MACROD2: variants seen among roughly 807,000 people sequenced by gnomAD.
The protein encoded by MACROD2 is ADP-ribose glycohydrolase MACROD2.
MACROD2 carries 36 observed loss-of-function variants against 70.4 expected under a neutral mutation model. That is an observed-to-expected ratio of 0.51 (90% CI 0.39 to 0.68). The LOEUF is 0.68. Among genes scored for constraint, MACROD2 ranks in the 30% least tolerant of loss-of-function variants. MACROD2 has a pLI of 0.00. For missense variants in MACROD2, 496 were observed against 538.4 expected (o/e 0.92, Z 0.78); for synonymous variants, 172 against 178.8 (o/e 0.96, Z 0.30).
chr20:14,865,226 C>T (rs1427571828), intron 5 of MACROD2, among the ~76,000 whole-genome samples: 5 of 152,062 alleles, frequency 3.3e-5, no homozygotes, highest in Admixed American at 1.3e-4. Context: ...GCCTTGGCAA[C>T]GTCTCTGCCT....
At chr20:15,059,811 T>C (rs1411273073) in intron 5 of MACROD2, among the ~76,000 whole-genome samples, 2 of 152,232 alleles carry the variant, frequency 1.3e-5, no homozygotes, top group East Asian at 3.8e-4. Flanking sequence ...CATCACTTTC[T>C]TAGCTAGCCA....
intron 5 of MACROD2, among the ~76,000 whole-genome samples, chr20:14,750,508 C>A (rs917503667): frequency 6.6e-6 from 1 of 152,090 alleles, no homozygotes; most frequent in Non-Finnish European, 1.5e-5. Flanking sequence ...GTCATCCCAG[C>A]TCAAGTGCAG....
chr20:15,641,321 C>T (rs1467893669), intron 8 of MACROD2, among the ~76,000 whole-genome samples: 2 of 152,144 alleles, frequency 1.3e-5, no homozygotes, highest in Non-Finnish European at 2.9e-5. Flanking sequence ...GGCAGACTAA[C>T]TAGAGTAGAA....
At chr20:14,498,305 A>G (rs1219472419) in intron 4 of MACROD2, among the ~76,000 whole-genome samples, 1 of 148,650 alleles carries the variant, frequency 6.7e-6, no homozygotes, top group Non-Finnish European at 1.5e-5. Context: ...AAAAAAGAAA[A>G]AAAGAAGAGT....
At chr20:15,191,816 A>T (rs1350436803) in intron 5 of MACROD2, among the ~76,000 whole-genome samples, 2 of 152,262 alleles carry the variant, frequency 1.3e-5, no homozygotes, top group African/African-American at 4.8e-5. Context: ...GGAGGTAGGG[A>T]TATCTTCATT....
chr20:15,990,422 CA>C (rs1401325429), intron 15 of MACROD2, among the ~76,000 whole-genome samples: 1 of 152,034 alleles, frequency 6.6e-6, no homozygotes, highest in Non-Finnish European at 1.5e-5. Context: ...TATTATTTCA[CA>C]AAATTTTCAT....
intron 5 of MACROD2, among the ~76,000 whole-genome samples, chr20:15,041,742 A>T (rs1056315415): frequency 6.6e-6 from 1 of 152,022 alleles, no homozygotes; most frequent in Non-Finnish European, 1.5e-5. Flanking sequence ...CCACACCCAA[A>T]CTGAATTTTT....
At chr20:14,228,272 A>G (rs1418000187) in intron 3 of MACROD2, among the ~76,000 whole-genome samples, 4 of 152,016 alleles carry the variant, frequency 2.6e-5, no homozygotes, top group Non-Finnish European at 5.9e-5. Context: ...TCTGTGTTCT[A>G]TATATCTTTA....
chr20:14,890,951 TTTCCTTCCTTCCTTCCTTCC>T (rs372577604), intron 5 of MACROD2, among the ~76,000 whole-genome samples: 1 of 105,706 alleles, frequency 9.5e-6, no homozygotes, highest in Admixed American at 9.3e-5. Context: ...TCTTTCTCTT[TTTCCTTCCTTCCTTCCTTCC>T]TTCCTTCCTT....
At chr20:16,002,061 T>TAC (rs2147506320) in intron 15 of MACROD2, among the ~76,000 whole-genome samples, 1 of 151,670 alleles carries the variant, frequency 6.6e-6, no homozygotes, top group African/African-American at 2.4e-5. Flanking sequence ...TATATATACA[T>TAC]GTGTGTATAT....
At chr20:15,083,268 T>C (rs448957) in intron 5 of MACROD2, among the ~76,000 whole-genome samples, 67,965 of 151,860 alleles carry the variant, frequency 0.45, 16,147 homozygotes, top group East Asian at 0.73. Flanking sequence ...CAGCTGTCAC[T>C]TAGAATCATA....
At chr20:14,814,633 A>T (rs2072752612) in intron 5 of MACROD2, among the ~76,000 whole-genome samples, 1 of 152,028 alleles carries the variant, frequency 6.6e-6, no homozygotes, top group Admixed American at 6.6e-5. Flanking sequence ...CTAAAGGAGG[A>T]TATATTATTA....
intron 8 of MACROD2, among the ~76,000 whole-genome samples, chr20:15,847,832 T>C (rs2064250890): frequency 6.6e-6 from 1 of 152,202 alleles, no homozygotes; most frequent in Non-Finnish European, 1.5e-5. Context: ...TCTTTTTATG[T>C]TTTTGTTTTT....
chr20:15,313,127 TTAATA>T (rs1044387118), intron 6 of MACROD2, among the ~76,000 whole-genome samples: 2 of 152,206 alleles, frequency 1.3e-5, no homozygotes, highest in Admixed American at 1.3e-4. Flanking sequence ...CATTTTCTCC[TTAATA>T]TATCAGTCAA....
chr20:15,963,352 G>A (rs2066091915), intron 12 of MACROD2, among the ~76,000 whole-genome samples: 1 of 152,132 alleles, frequency 6.6e-6, no homozygotes, highest in African/African-American at 2.4e-5. Flanking sequence ...ATAGTCAGGG[G>A]CTTCCTCTCT....
At position 14,998,249 on chromosome 20, in the gene MACROD2, C is replaced by G. The variant is rs138537002; in HGVS notation, c.419-231691C>G. Among the ~76,000 whole-genome samples, 564 of 152,260 alleles carry G rather than the reference C, an allele frequency of 3.7e-3. 4 individuals are homozygous for G. The highest frequency in any genetic ancestry group is 0.014 in the Middle Eastern group (4 of 294). ...CAAGCACCATGGTCATCCAGGAAAA[C>G]ATAACCTCACCATATGCACTAAATA... On this transcript the variant is annotated intron_variant, in intron 5 of 17. Coordinates refer to ENST00000684519, the MANE Select transcript of MACROD2 (RefSeq NM_001351661.2).
intron 4 of MACROD2, among the ~76,000 whole-genome samples, chr20:14,610,227 C>T (rs970230): frequency 0.29 from 44,812 of 152,012 alleles, 10,734 homozygotes; most frequent in African/African-American, 0.64. Flanking sequence ...CATTAAAAGA[C>T]TTAAACTATA....
At chr20:14,283,662 AT>A (rs914414239) in intron 3 of MACROD2, among the ~76,000 whole-genome samples, 44 of 149,590 alleles carry the variant, frequency 2.9e-4, no homozygotes, top group Non-Finnish European at 4.5e-4. Context: ...AGAGCACACA[AT>A]TTTTTTTTTT....
At chr20:14,479,437 T>C (rs1206205231) in intron 3 of MACROD2, among the ~76,000 whole-genome samples, 1 of 152,170 alleles carries the variant, frequency 6.6e-6, no homozygotes, top group African/African-American at 2.4e-5. Context: ...CAGGGAGGAC[T>C]GAGCCTACTT....
Sources: gnomAD v4.1 joint callset for allele counts (sites outside exome capture counted in the v4.1 genomes callset) on GRCh38, gnomAD v4.1.1 for gene constraint, MANE v1.5 for transcripts, NCBI Gene and HGNC (gene_info 2026-07-23, HGNC 2026-07-21) for gene names.